The following CHN2 variants were observed in gnomAD, a reference collection of about 807,000 sequenced individuals.
The protein encoded by CHN2 is beta-chimaerin.
A neutral mutation model predicts 56.3 loss-of-function variants in CHN2; 35 were observed. That is an observed-to-expected ratio of 0.62 (90% confidence interval 0.47 to 0.82). CHN2 has a LOEUF of 0.82. Among genes scored for constraint, CHN2 ranks in the 40% least tolerant of loss-of-function variants. The probability of loss-of-function intolerance (pLI) is 0.00; values close to 1 mark genes in which losing one functional copy is unlikely to be tolerated. For synonymous variants in CHN2, 210 were observed against 212.8 expected, an observed-to-expected ratio of 0.99 and a Z score of 0.12; for missense variants, 491 against 580.5, an observed-to-expected ratio of 0.85 and a Z score of 1.58.
At chr7:29,252,581 T>TTTTTTTTTTTGTTTTG (rs1584873211) in intron 1 of CHN2, among the ~76,000 whole-genome samples, 1 of 16,458 alleles carries the variant, frequency 6.1e-5, no homozygotes, top group Non-Finnish European at 9.1e-5. Flanking sequence ...ATTCTTTGTT[T>TTTTTTTTTTTGTTTTG]TTTTTTTTTT....
intron 1 of CHN2, among the ~76,000 whole-genome samples, chr7:29,259,768 T>C (rs1328936691): frequency 6.6e-6 from 1 of 152,170 alleles, no homozygotes; most frequent in Non-Finnish European, 1.5e-5. Flanking sequence ...TGAGGATGTG[T>C]TAATTAATTT....
intron 4 of CHN2, among the ~76,000 whole-genome samples, chr7:29,394,274 C>A (rs573519741): frequency 6.6e-6 from 1 of 152,312 alleles, no homozygotes; most frequent in South Asian, 2.1e-4. Context: ...AAACCTACTG[C>A]CCAGCAAATA....
intron 1 of CHN2, among the ~76,000 whole-genome samples, chr7:29,322,491 A>ACTC (rs1209625032): frequency 4.0e-5 from 6 of 151,588 alleles, no homozygotes; most frequent in South Asian, 4.2e-4. Context: ...TCCTCTTCCT[A>ACTC]CTCCTCCTCC....
intron 6 of CHN2, among the ~76,000 whole-genome samples, chr7:29,429,893 C>T (rs1172791956): frequency 6.6e-6 from 1 of 152,084 alleles, no homozygotes; most frequent in Non-Finnish European, 1.5e-5. Context: ...GCTATTTAAG[C>T]TTCGTAGCTA....
intron 1 of CHN2, among the ~76,000 whole-genome samples, chr7:29,250,752 C>T (rs948891550): frequency 6.6e-6 from 1 of 151,018 alleles, no homozygotes; most frequent in Non-Finnish European, 1.5e-5. Context: ...CCTCTGTCAC[C>T]CAGGCTGGAG....
chr7:29,367,808 C>A, intron 2 of CHN2, 124 bp from the exon 3 acceptor site: 1 of 703,742 alleles, frequency 1.4e-6, no homozygotes, highest in South Asian at 4.5e-5. Flanking sequence ...CCTGTATTCT[C>A]TTGTTTTTTT....
chr7:29,213,103 G>A (rs1326405774), intron 1 of CHN2: 4 of 1,600,370 alleles, frequency 2.5e-6, no homozygotes, highest in Non-Finnish European at 3.4e-6. Context: ...TGCCTTGGAA[G>A]CTGCAGGGGA....
At chr7:29,359,576 T>G (rs1798570851) in intron 2 of CHN2, among the ~76,000 whole-genome samples, 1 of 152,174 alleles carries the variant, frequency 6.6e-6, no homozygotes, top group Admixed American at 6.5e-5. Context: ...AGGAAAAAGC[T>G]TCATGGCTTA....
intron 2 of CHN2, among the ~76,000 whole-genome samples, chr7:29,176,169 G>T (rs1312306356): frequency 6.6e-6 from 1 of 150,376 alleles, no homozygotes; most frequent in East Asian, 2.0e-4. Flanking sequence ...CTAGGCGACA[G>T]AGCAAGACTC....
intron 7 of CHN2, among the ~76,000 whole-genome samples, chr7:29,490,332 G>A (rs567195955): frequency 2.6e-5 from 4 of 152,126 alleles, no homozygotes; most frequent in African/African-American, 4.8e-5. Context: ...ATCCCCTTCC[G>A]CAGACTTCTA....
At chr7:29,400,903 G>A (rs550271993) in intron 6 of CHN2, 75 bp downstream of exon 6, 11 of 1,460,440 alleles carry the variant, frequency 7.5e-6, no homozygotes, top group African/African-American at 4.3e-5. Context: ...CTATAGGTGC[G>A]ATTTGCTGAA....
intron 1 of CHN2, among the ~76,000 whole-genome samples, chr7:29,276,069 A>G (rs1178921422): frequency 2.0e-5 from 3 of 151,768 alleles, no homozygotes; most frequent in Admixed American, 1.3e-4. Flanking sequence ...AAAAAAAAAC[A>G]AAACACGCAT....
intron 1 of CHN2, among the ~76,000 whole-genome samples, chr7:29,267,431 A>G (rs1277538069): frequency 6.6e-6 from 1 of 151,846 alleles, no homozygotes; most frequent in Non-Finnish European, 1.5e-5. Context: ...TTTAGTAGAG[A>G]CAGGGTTTCA....
chr7:29,250,280 A>G lies in CHN2; in HGVS notation c.49+55290A>G, dbSNP rs533943148. 7.9e-5 allele frequency among the ~76,000 whole-genome samples: 12 copies of G among 152,358 alleles called. No individual in the cohort carries two copies. The South Asian group carries it at 2.5e-3, about 32-fold the overall frequency. The stretch of plus-strand genomic sequence containing the variant: ...CTGCATTGCAAAAATGAAATTATAT[A>G]GCCATTACCAAAATTAGATAGGAGA... On this transcript the variant is annotated intron_variant, in intron 1 of 12. Transcript: ENST00000222792.
rs1790432081 is a variant in CHN2, at chr7:29,269,419, A to G, written c.49+74429A>G. ...GTGGCTAAATAATATTCCATTGTGT[A>G]CGTGTACCACATTTTCTTTATCCAT... On this transcript the variant is annotated intron_variant, in intron 1 of 12. Coordinates refer to ENST00000222792, the MANE Select transcript of CHN2 (RefSeq NM_004067.4). Among the ~76,000 whole-genome samples, 7 of 152,322 alleles carry G rather than the reference A, an allele frequency of 4.6e-5. No individual in the cohort carries two copies. The South Asian group carries it at 1.4e-3, about 32-fold the overall frequency.
At chr7:29,296,101 T>A (rs201553850) in intron 1 of CHN2, among the ~76,000 whole-genome samples, 2 of 135,532 alleles carry the variant, frequency 1.5e-5, no homozygotes, top group East Asian at 2.2e-4. Flanking sequence ...TTTTTTTTTT[T>A]AAGACAGAGT....
rs190211137 is a variant in CHN2, at chr7:29,160,679, T to G, written c.274+13719T>G. ...GTGGTGTGTTGTGAAAACGTGATGATGCCTGGTGCTGTGGTAGCCATCTTG... is the reference window on the plus strand; with the variant it reads ...GTGGTGTGTTGTGAAAACGTGATGAGGCCTGGTGCTGTGGTAGCCATCTTG... On this transcript the variant is annotated intron_variant, in intron 2 of 6. Transcript: ENST00000439384. Among the ~76,000 whole-genome samples, 21 of 152,300 alleles carry G rather than the reference T, an allele frequency of 1.4e-4. No individual in the cohort carries two copies. The East Asian group carries it at 4.1e-3, about 29-fold the overall frequency.
chr7:29,295,326 C>CACACACACACAG (rs1480105101), intron 1 of CHN2, among the ~76,000 whole-genome samples: 1 of 151,594 alleles, frequency 6.6e-6, no homozygotes, highest in Admixed American at 6.6e-5. Flanking sequence ...CACACACACA[C>CACACACACACAG]ACACACACAC....
chr7:29,362,940 A>G (rs1368100216), intron 2 of CHN2, among the ~76,000 whole-genome samples: 2 of 152,216 alleles, frequency 1.3e-5, no homozygotes, highest in African/African-American at 4.8e-5. Context: ...AAATGTGTTC[A>G]CAAAGCCACT....
Sources: gnomAD v4.1 joint callset for allele counts (sites outside exome capture counted in the v4.1 genomes callset) on GRCh38, gnomAD v4.1.1 for gene constraint, MANE v1.5 for transcripts, NCBI Gene and HGNC (gene_info 2026-07-23, HGNC 2026-07-21) for gene names.